Variants in WDR1 observed in about 807,000 individuals in gnomAD.
The protein encoded by WDR1 is WD repeat domain 1, also known as WD repeat-containing protein 1.
Under a neutral mutation model 71.9 loss-of-function variants are expected in WDR1, and 21 were observed. The observed-to-expected ratio is 0.29, with a 90% CI of 0.21 to 0.42. The LOEUF (loss-of-function observed/expected upper bound fraction) is 0.42. Among genes scored for constraint, WDR1 ranks in the 10% least tolerant of loss-of-function variants. WDR1 has a pLI of 1.00. For missense variants in WDR1, 696 were observed against 824.5 expected, an observed-to-expected ratio of 0.84 and a Z score of 1.91; for synonymous variants, 424 against 347.4, an observed-to-expected ratio of 1.22 and a Z score of -2.45.
intron 2 of WDR1, among the ~76,000 whole-genome samples, chr4:10,104,246 G>C (rs1028141662): frequency 6.6e-6 from 1 of 151,976 alleles, no homozygotes; most frequent in African/African-American, 2.4e-5. Flanking sequence ...TTCCTTTTCT[G>C]CTTTTCTGTA....
chr4:10,087,729 C>T lies in WDR1; in HGVS notation c.929G>A (p.Ser310Asn), dbSNP rs749846855. ...YINYLDRNNPSKPLHVIKGHS... is the reference protein window; with the variant it reads ...YINYLDRNNPNKPLHVIKGHS... The stretch of plus-strand genomic sequence containing the variant: ...TACCTTGATGACGTGCAGGGGCTTG[C>T]TGGGGTTGTTTCTGTCCAGATAGTT... The change falls in exon 8 of 15, where the codon AGC becomes AAC. Residue 310 changes from serine (S) to asparagine (N), a missense_variant. Transcript: ENST00000499869. 2.5e-6 allele frequency: 4 copies of T among 1,598,412 alleles called. No individual in the cohort carries two copies. Among genetic ancestry groups the T allele is most frequent in the Non-Finnish European group, 3.4e-6 (4 of 1,172,116 alleles).
At chr4:10,094,355 G>A (rs1360840955) in intron 5 of WDR1, among the ~76,000 whole-genome samples, 1 of 152,190 alleles carries the variant, frequency 6.6e-6, no homozygotes, top group Non-Finnish European at 1.5e-5. Context: ...GGAAGCGGAT[G>A]GCCAGAGAGG....
intron 2 of WDR1, among the ~76,000 whole-genome samples, chr4:10,110,676 C>T (rs1713296371): frequency 6.6e-6 from 1 of 152,236 alleles, no homozygotes; most frequent in African/African-American, 2.4e-5. Context: ...ATTCCCAGAG[C>T]ACCCAGGGCA....
At chr4:10,088,569 T>A (rs113914931) in intron 6 of WDR1, 95 bp downstream of exon 6, 3 of 1,213,440 alleles carry the variant, frequency 2.5e-6, no homozygotes, top group East Asian at 5.1e-5. Flanking sequence ...AAGTTCTGCA[T>A]GTCAGGACTA....
chr4:10,075,098 T>A lies in WDR1; in HGVS notation c.*280A>T, dbSNP rs1337912959. 3 of 480,262 alleles carry A rather than the reference T, an allele frequency of 6.2e-6. No individual in the cohort carries two copies. The highest frequency in any genetic ancestry group is 1.1e-5 in the Non-Finnish European group (3 of 272,114). 29.8% of individuals were successfully genotyped at this position (480,262 alleles called of 1,614,324 possible). ...TGGAGGCTACTGCCTCTGGAATGTT[T>A]CGCATTCTCAAGGTTTGGTTGGGCT... On this transcript the variant is annotated 3_prime_UTR_variant, in exon 15 of 15. Coordinates refer to ENST00000499869, the MANE Select transcript of WDR1 (RefSeq NM_017491.5).
intron 2 of WDR1, among the ~76,000 whole-genome samples, chr4:10,107,753 G>A (rs551419101): frequency 7.2e-5 from 11 of 152,264 alleles, no homozygotes; most frequent in African/African-American, 2.4e-4. Flanking sequence ...GGGCCTCTGA[G>A]GACATGAAGG....
Position 10,103,886 on chromosome 4 carries a change from C to A in WDR1, c.229+10G>T. ...CACAGGTGTCCACGAGCCTTGCCCC[C>A]ATACAGTACCTCCGGAGGCAATGTA... On this transcript the variant is annotated intron_variant, in intron 3 of 14. Transcript: ENST00000499869. The A allele has an allele frequency of 6.4e-7, 1 of 1,573,538 alleles. No individual in the cohort carries two copies. The highest frequency in any genetic ancestry group is 2.4e-5 in the East Asian group (1 of 42,346).
At chr4:10,102,608 C>T (rs555226329) in intron 3 of WDR1, among the ~76,000 whole-genome samples, 1 of 152,324 alleles carries the variant, frequency 6.6e-6, no homozygotes, top group Non-Finnish European at 1.5e-5. Flanking sequence ...AACTATGAGC[C>T]AATACATTTG....
In WDR1 at chr4:10,115,846, G is replaced by C; in HGVS notation, c.138+267C>G. Reference sequence around the variant, plus strand: ...TGACCGTGCTTAGCTTCCAAGATCAGAGGCGATCCGGCGCTTTCAGGGTGC... The same window carrying C: ...TGACCGTGCTTAGCTTCCAAGATCACAGGCGATCCGGCGCTTTCAGGGTGC... On this transcript the variant is annotated intron_variant, in intron 2 of 14. Transcript: ENST00000499869. The C allele has an allele frequency of 2.1e-5, 9 of 429,194 alleles. No individual in the cohort carries two copies. The South Asian group carries it at 2.4e-4, about 12-fold the overall frequency. 26.6% of individuals were successfully genotyped at this position (429,194 alleles called of 1,614,324 possible).
chr4:10,077,327 G>A lies in WDR1; in HGVS notation c.1691C>T (p.Pro564Leu), dbSNP rs1192218210. 1.2e-6 allele frequency: 2 copies of A among 1,613,986 alleles called. No homozygotes were observed. The highest frequency in any genetic ancestry group is 1.1e-5 in the South Asian group (1 of 91,082). The change falls in exon 14 of 15, where the codon CCG becomes CTG. Residue 564 changes from proline to leucine, a missense_variant. Transcript: ENST00000499869. ...ACCTTGGATCTTGACTCTGGTTTCCGGGTCACTCAGGGTCCAAACATACAC... is the reference window on the plus strand; with the variant it reads ...ACCTTGGATCTTGACTCTGGTTTCCAGGTCACTCAGGGTCCAAACATACAC... The part of the protein sequence containing the change: ...MMVYVWTLSD[P>L]ETRVKIQDAH...
rs5856030 is a variant in WDR1, at chr4:10,074,747, T to TAA, written c.*629_*630dup. The TAA allele has an allele frequency of 1.9e-4, 28 of 151,050 alleles. No individual in the cohort carries two copies. Among genetic ancestry groups the TAA allele is most frequent in the Admixed American group, 1.2e-3 (18 of 15,160 alleles). 9.4% of individuals were successfully genotyped at this position (151,050 alleles called of 1,614,324 possible). ...CTGACAGGCAACAGTTAAGATACAT[T>TAA]AAAAAAAAAGGAAAGATACCCACAA... On this transcript the variant is annotated 3_prime_UTR_variant, in exon 15 of 15. Coordinates refer to ENST00000499869, the MANE Select transcript of WDR1 (RefSeq NM_017491.5).
In WDR1 at chr4:10,103,882, C is replaced by G. The variant is rs1037059260; in HGVS notation, c.229+14G>C. 1 of 1,554,862 alleles carries G rather than the reference C, an allele frequency of 6.4e-7. No homozygotes were observed. The highest frequency in any genetic ancestry group is 8.7e-7 in the Non-Finnish European group (1 of 1,148,898). On this transcript the variant is annotated intron_variant, in intron 3 of 14. Coordinates refer to ENST00000499869, the MANE Select transcript of WDR1 (RefSeq NM_017491.5). The stretch of plus-strand genomic sequence containing the variant: ...CCCCCACAGGTGTCCACGAGCCTTG[C>G]CCCCATACAGTACCTCCGGAGGCAA...
chr4:10,077,766 G>A lies in WDR1; in HGVS notation c.1556C>T (p.Ala519Val), dbSNP rs764965596. The A allele has an allele frequency of 6.3e-6, 10 of 1,591,562 alleles. No individual in the cohort carries two copies. In the African/African-American group the frequency reaches 9.4e-5, roughly 15 times the overall value. Residue 519 changes from alanine to valine, a missense_variant, in exon 13 of 15, where the codon GCT becomes GTT. Transcript: ENST00000499869. The part of the protein sequence containing the change: ...ASKVVTVFSV[A>V]DGYSENNVFY... ...GCCGCCACTCACCGAGTAGCCGTCA[G>A]CAACGCTGAACACTGTGACCACCTT... is the stretch of plus-strand genomic sequence containing the variant.
At chr4:10,114,542 C>A (rs930736084) in intron 2 of WDR1, among the ~76,000 whole-genome samples, 1 of 152,238 alleles carries the variant, frequency 6.6e-6, no homozygotes, top group African/African-American at 2.4e-5. Context: ...TGGACTGCAA[C>A]GACAGGGAAG....
At chr4:10,080,965 G>A (rs1247142917) in intron 11 of WDR1, among the ~76,000 whole-genome samples, 1 of 152,202 alleles carries the variant, frequency 6.6e-6, no homozygotes, top group Non-Finnish European at 1.5e-5. Context: ...GAGAGGGTGA[G>A]GTAAATGCCG....
At chr4:10,077,036 A>C in intron 14 of WDR1, 1 of 444,742 alleles carries the variant, frequency 2.2e-6, no homozygotes, top group South Asian at 3.5e-5. Flanking sequence ...TTAAGGGGTG[A>C]GTGGGGGAAG....
At chr4:10,083,455 C>G (rs1765092125) in intron 9 of WDR1, among the ~76,000 whole-genome samples, 1 of 152,204 alleles carries the variant, frequency 6.6e-6, no homozygotes. Flanking sequence ...GCTCCGGCGT[C>G]TCCTCTGCTA....
intron 9 of WDR1, 74 bp from the exon 10 acceptor site, chr4:10,083,252 T>G (rs1765085427): frequency 6.6e-7 from 1 of 1,509,272 alleles, no homozygotes; most frequent in Non-Finnish European, 8.9e-7. Context: ...AGTCCTAAGA[T>G]TCTCCATTTA....
At chr4:10,109,612 G>A (rs1713226330) in intron 2 of WDR1, among the ~76,000 whole-genome samples, 1 of 152,206 alleles carries the variant, frequency 6.6e-6, no homozygotes, top group Non-Finnish European at 1.5e-5. Context: ...CTTGAAACAG[G>A]CCTGGGGGTA....
Sources: gnomAD v4.1 joint callset for allele counts (sites outside exome capture counted in the v4.1 genomes callset) on GRCh38, gnomAD v4.1.1 for gene constraint, MANE v1.5 for transcripts, NCBI Gene and HGNC (gene_info 2026-07-23, HGNC 2026-07-21) for gene names.